Variants in PSIP1 observed in about 807,000 individuals in gnomAD.
PSIP1 encodes the protein PC4 and SFRS1-interacting protein.
Under a neutral mutation model 74.7 loss-of-function variants are expected in PSIP1, and 19 were observed. The ratio of observed to expected loss-of-function variants is 0.25; its 90% CI spans 0.18 to 0.37. The LOEUF (loss-of-function observed/expected upper bound fraction) is 0.37. PSIP1 is among the 10% of genes least tolerant of loss of function. The pLI, the probability that PSIP1 is intolerant of heterozygous loss-of-function variation, is 1.00. For synonymous variants in PSIP1, 222 were observed against 195.3 expected (o/e 1.14, Z -1.14); for missense variants, 601 against 614.3 (o/e 0.98, Z 0.23).
chr9:15,480,314 G>C (rs973866854), intron 6 of PSIP1, among the ~76,000 whole-genome samples: 4 of 152,116 alleles, frequency 2.6e-5, no homozygotes, highest in African/African-American at 9.7e-5. Flanking sequence ...TGCAAAAGGA[G>C]GAAAGAGAAA....
At position 15,468,719 on chromosome 9, in the gene PSIP1, A is replaced by G; in HGVS notation, c.1331T>C (p.Leu444Pro). Reference sequence around the variant, plus strand: ...TTCCTCATGCTGTCTTTGTTCAGCAAGAGATTTATTCAGCACTTGGGTGAT... The same window carrying G: ...TTCCTCATGCTGTCTTTGTTCAGCAGGAGATTTATTCAGCACTTGGGTGAT... ...SVITQVLNKS[L>P]AEQRQHEEAN... The change falls in exon 14 of 16, where the codon CTT becomes CCT. Residue 444 changes from leucine to proline, a missense_variant. This residue lies in a region of PSIP1 where 538 missense variants were observed against 507.6 expected (regional missense o/e 1.06). Coordinates refer to ENST00000380733, the MANE Select transcript of PSIP1 (RefSeq NM_033222.5). The G allele has an allele frequency of 6.2e-7, 1 of 1,614,122 alleles. No individual in the cohort carries two copies. The highest frequency in any genetic ancestry group is 8.5e-7 in the Non-Finnish European group (1 of 1,179,984).
chr9:15,473,942 GAAAAAACAAAA>G (rs2035962463), intron 9 of PSIP1, 56 bp downstream of exon 9: 1 of 643,716 alleles, frequency 1.6e-6, no homozygotes, highest in East Asian at 3.9e-5. Flanking sequence ...AAAAAACAAA[GAAAAAACAAAA>G]AATATATATA....
intron 3 of PSIP1, among the ~76,000 whole-genome samples, chr9:15,500,069 AATATTTT>A (rs2037260636): frequency 1.3e-5 from 2 of 152,136 alleles, no homozygotes; most frequent in Admixed American, 6.5e-5. Context: ...GTTTATTATA[AATATTTT>A]ATATTTTATA....
chr9:15,469,829 G>A (rs1458297931), intron 11 of PSIP1, 109 bp downstream of exon 11: 2 of 873,176 alleles, frequency 2.3e-6, no homozygotes, highest in Admixed American at 2.6e-5. Flanking sequence ...AATTCTATTT[G>A]TAGGATATGA....
At chr9:15,499,091 G>T (rs7023370) in intron 3 of PSIP1, among the ~76,000 whole-genome samples, 139,374 of 152,290 alleles carry the variant, frequency 0.92, 63,987 homozygotes, top group African/African-American at 0.98. Context: ...TTTTAAAGAT[G>T]AGAAAATTGA....
intron 3 of PSIP1, among the ~76,000 whole-genome samples, chr9:15,500,059 G>C (rs2037259598): frequency 6.6e-6 from 1 of 151,988 alleles, no homozygotes; most frequent in African/African-American, 2.4e-5. Flanking sequence ...AAATATGAAA[G>C]TTTATTATAA....
chr9:15,487,902 A>C (rs2036625154), intron 4 of PSIP1, among the ~76,000 whole-genome samples: 1 of 152,242 alleles, frequency 6.6e-6, no homozygotes, highest in African/African-American at 2.4e-5. Context: ...ACTGGGAAGT[A>C]ATAAAGTCAC....
intron 3 of PSIP1, among the ~76,000 whole-genome samples, chr9:15,499,712 G>C (rs529507053): frequency 6.6e-6 from 1 of 151,872 alleles, no homozygotes; most frequent in African/African-American, 2.4e-5. Flanking sequence ...CATTTCTACT[G>C]AAAGTACAAA....
Position 15,465,450 on chromosome 9 carries a change from TCAGCAG to T in PSIP1, c.*64_*69del, listed in dbSNP as rs2035552982. ...CTATGCTTATAAAAATTTAAAACTT[TCAGCAG>T]TCTATTTCAAATGAAAACCATTACA... On this transcript the variant is annotated 3_prime_UTR_variant, in exon 16 of 16. Coordinates refer to ENST00000380733, the MANE Select transcript of PSIP1 (RefSeq NM_033222.5). 7.5e-7 allele frequency: 1 copy of T among 1,335,826 alleles called. No homozygotes were observed. The highest frequency in any genetic ancestry group is 1.5e-5 in the African/African-American group (1 of 66,634). 82.7% of individuals were successfully genotyped at this position (1,335,826 alleles called of 1,614,324 possible). A position where few individuals can be genotyped will look rare whatever the true frequency, so the allele number is the denominator to read the frequency against.
chr9:15,505,120 G>A (rs755660413), intron 3 of PSIP1: 8 of 152,012 alleles, frequency 5.3e-5, no homozygotes, highest in Non-Finnish European at 1.0e-4. Flanking sequence ...TGTATTTTTT[G>A]TAGAGACACA....
At chr9:15,510,385 A>AGGGGAG (rs2037807824) in intron 1 of PSIP1, 56 bp from the exon 2 acceptor site, 1 of 10,904 alleles carries the variant, frequency 9.2e-5, no homozygotes, top group Non-Finnish European at 1.8e-4. Flanking sequence ...AGGGGCCGCA[A>AGGGGAG]GGGGAGGGGG....
chr9:15,471,416 A>G, intron 10 of PSIP1: 2 of 1,479,388 alleles, frequency 1.4e-6, no homozygotes, highest in South Asian at 2.6e-5. Flanking sequence ...ACTGAAATAC[A>G]TAAAGATAAC....
At chr9:15,478,019 T>G (rs927962756) in intron 8 of PSIP1, among the ~76,000 whole-genome samples, 2 of 150,874 alleles carry the variant, frequency 1.3e-5, no homozygotes, top group Non-Finnish European at 3.0e-5. Context: ...TCCCAGCTAC[T>G]TGGGAGGCTA....
chr9:15,472,946 T>A (rs1198064247), intron 9 of PSIP1, among the ~76,000 whole-genome samples, 196 bp from the exon 10 acceptor site: 2 of 152,168 alleles, frequency 1.3e-5, no homozygotes, highest in East Asian at 3.8e-4. Flanking sequence ...GAAATAATCA[T>A]CTTGTTTTAT....
chr9:15,478,708 C>G (rs1240576651), intron 7 of PSIP1, among the ~76,000 whole-genome samples, 156 bp from the exon 8 acceptor site: 2 of 152,074 alleles, frequency 1.3e-5, no homozygotes, highest in Non-Finnish European at 2.9e-5. Flanking sequence ...ATACCTCCCC[C>G]ACCATGGTTA....
At chr9:15,508,831 A>G (rs1057141737) in intron 2 of PSIP1, among the ~76,000 whole-genome samples, 1 of 152,264 alleles carries the variant, frequency 6.6e-6, no homozygotes, top group South Asian at 2.1e-4. Context: ...AGGTCAAAGC[A>G]TACACAGAGT....
chr9:15,500,088 T>C (rs773959810), intron 3 of PSIP1, among the ~76,000 whole-genome samples: 6 of 152,126 alleles, frequency 3.9e-5, no homozygotes, highest in African/African-American at 1.4e-4. Context: ...TATTTTATAA[T>C]AGCATGTATT....
Position 15,472,624 on chromosome 9 carries a change from ATACT to A in PSIP1, c.977+4_977+7del, listed in dbSNP as rs762704228. 1 of 1,567,636 alleles carries A rather than the reference ATACT, an allele frequency of 6.4e-7. No homozygotes were observed. The highest frequency in any genetic ancestry group is 8.6e-7 in the Non-Finnish European group (1 of 1,167,548). ...GAACCCAAAATTTAGAAAAAAAAAA[ATACT>A]TACTGCTCAGTTTCCATTTGTTCCT... On this transcript the variant is annotated splice_donor_5th_base_variant and intron_variant, in intron 10 of 15. Coordinates refer to ENST00000380733, the MANE Select transcript of PSIP1 (RefSeq NM_033222.5).
intron 3 of PSIP1, among the ~76,000 whole-genome samples, chr9:15,494,565 C>CAAAAA (rs57170853): frequency 2.1e-4 from 8 of 37,562 alleles, no homozygotes; most frequent in South Asian, 1.4e-3. Flanking sequence ...AACTGCATCT[C>CAAAAA]AAAAAAAAAA....
Sources: gnomAD v4.1 joint callset for allele counts (sites outside exome capture counted in the v4.1 genomes callset) on GRCh38, gnomAD v4.1.1 for gene constraint, gnomAD v4.1.1 regional missense constraint, MANE v1.5 for transcripts, NCBI Gene and HGNC (gene_info 2026-07-23, HGNC 2026-07-21) for gene names.